CNTNAP2: variants seen among roughly 807,000 people sequenced by gnomAD.
CNTNAP2 encodes contactin associated protein 2.
CNTNAP2 carries 98 observed loss-of-function variants against 155.2 expected under a neutral mutation model. The ratio of observed to expected loss-of-function variants is 0.63; its 90% CI spans 0.54 to 0.75. CNTNAP2 has a LOEUF of 0.75. Ranked by LOEUF, CNTNAP2 falls within the 30% of genes least tolerant of loss-of-function variation. The pLI, the probability that CNTNAP2 is intolerant of heterozygous loss-of-function variation, is 0.00. For missense variants in CNTNAP2, 1,727 were observed against 1,688.1 expected (o/e 1.02, Z -0.40); for synonymous variants, 651 against 631.2 (o/e 1.03, Z -0.47).
intron 13 of CNTNAP2, among the ~76,000 whole-genome samples, chr7:147,702,692 G>A (rs1796254519): frequency 6.6e-6 from 1 of 152,018 alleles, no homozygotes; most frequent in Non-Finnish European, 1.5e-5. Flanking sequence ...GAAAAAAAGT[G>A]CTTCATCTCT....
chr7:147,885,580 G>C (rs903529752), intron 13 of CNTNAP2, among the ~76,000 whole-genome samples: 2 of 151,816 alleles, frequency 1.3e-5, no homozygotes, highest in African/African-American at 4.8e-5. Flanking sequence ...TGGCTGGTCT[G>C]TCTCTCTCTC....
intron 13 of CNTNAP2, among the ~76,000 whole-genome samples, chr7:147,866,410 A>T (rs1247591303): frequency 6.6e-6 from 1 of 152,014 alleles, no homozygotes; most frequent in Non-Finnish European, 1.5e-5. Context: ...TTTGGGGAGG[A>T]GAGTTCTGTA....
At chr7:148,273,629 G>A (rs887991816) in intron 21 of CNTNAP2, among the ~76,000 whole-genome samples, 1 of 152,234 alleles carries the variant, frequency 6.6e-6, no homozygotes, top group African/African-American at 2.4e-5. Flanking sequence ...GAGAAGCTGT[G>A]CTTAGAAAGA....
chr7:148,181,983 T>C (rs1331833406), intron 18 of CNTNAP2, among the ~76,000 whole-genome samples: 2 of 151,534 alleles, frequency 1.3e-5, no homozygotes, highest in Non-Finnish European at 2.9e-5. Context: ...GGTCTCGATC[T>C]CCTGACCTCG....
At chr7:147,757,443 G>T (rs1354994466) in intron 13 of CNTNAP2, among the ~76,000 whole-genome samples, 1 of 152,046 alleles carries the variant, frequency 6.6e-6, no homozygotes, top group African/African-American at 2.4e-5. Context: ...CTTCTCTGTA[G>T]CTCCTCCAAG....
chr7:146,344,124 A>G (rs1206039161), intron 1 of CNTNAP2, among the ~76,000 whole-genome samples: 2 of 152,192 alleles, frequency 1.3e-5, no homozygotes, highest in Non-Finnish European at 2.9e-5. Context: ...TGAAACAGAA[A>G]ACTTTTTTTG....
intron 2 of CNTNAP2, among the ~76,000 whole-genome samples, chr7:146,833,069 C>T (rs1803544926): frequency 6.6e-6 from 1 of 152,186 alleles, no homozygotes; most frequent in African/African-American, 2.4e-5. Flanking sequence ...TCCTATCAAC[C>T]AACTTTTGCA....
chr7:146,971,992 G>T (rs1797810669), intron 3 of CNTNAP2, among the ~76,000 whole-genome samples: 1 of 152,058 alleles, frequency 6.6e-6, no homozygotes, highest in Non-Finnish European at 1.5e-5. Flanking sequence ...TCCCATATAT[G>T]CTATTTTACT....
intron 21 of CNTNAP2, among the ~76,000 whole-genome samples, chr7:148,283,502 G>T (rs941078961): frequency 5.9e-5 from 9 of 152,066 alleles, no homozygotes; most frequent in Non-Finnish European, 1.2e-4. Context: ...TGCTTTTGTG[G>T]TTATTTGCAG....
At chr7:148,246,835 T>C (rs548195028) in intron 20 of CNTNAP2, among the ~76,000 whole-genome samples, 1 of 152,284 alleles carries the variant, frequency 6.6e-6, no homozygotes, top group South Asian at 2.1e-4. Flanking sequence ...AACACAAGAT[T>C]AGGCTACAGT....
intron 1 of CNTNAP2, among the ~76,000 whole-genome samples, chr7:146,173,759 G>A (rs371412526): frequency 3.3e-5 from 5 of 152,266 alleles, no homozygotes; most frequent in African/African-American, 7.2e-5. Flanking sequence ...ACAGAATGCC[G>A]TACATGCAAA....
chr7:147,559,723 A>G (rs1800022505), intron 11 of CNTNAP2, among the ~76,000 whole-genome samples: 1 of 152,218 alleles, frequency 6.6e-6, no homozygotes, highest in African/African-American at 2.4e-5. Flanking sequence ...TGAGCTATAC[A>G]TACCAATTTT....
At chr7:148,236,315 T>A (rs1421327312) in intron 20 of CNTNAP2, among the ~76,000 whole-genome samples, 9 of 152,214 alleles carry the variant, frequency 5.9e-5, no homozygotes, top group African/African-American at 1.9e-4. Flanking sequence ...ATTTAAATGT[T>A]ACCCGTGAGG....
chr7:148,398,048 G>A (rs1044035777), intron 22 of CNTNAP2, among the ~76,000 whole-genome samples: 7 of 152,190 alleles, frequency 4.6e-5, no homozygotes, highest in South Asian at 2.1e-4. Context: ...TAATGCAACC[G>A]AAAAGAGTAT....
intron 22 of CNTNAP2, among the ~76,000 whole-genome samples, chr7:148,386,515 C>CA (rs142442730): frequency 1.9e-4 from 29 of 150,834 alleles, no homozygotes; most frequent in African/African-American, 6.3e-4. Context: ...CAAAACAAAA[C>CA]AAAAAAACAA....
At chr7:147,889,640 T>C (rs955029267) in intron 13 of CNTNAP2, among the ~76,000 whole-genome samples, 1 of 152,232 alleles carries the variant, frequency 6.6e-6, no homozygotes, top group African/African-American at 2.4e-5. Context: ...TCAGTAATTA[T>C]AGGTCAGAAG....
intron 1 of CNTNAP2, among the ~76,000 whole-genome samples, chr7:146,692,019 T>C (rs550136480): frequency 1.3e-5 from 2 of 152,224 alleles, no homozygotes; most frequent in South Asian, 2.1e-4. Context: ...CTAGAACTGC[T>C]AGCTTTAAAA....
chr7:147,443,517 G>C (rs114456071), intron 10 of CNTNAP2, among the ~76,000 whole-genome samples: 1 of 152,086 alleles, frequency 6.6e-6, no homozygotes, highest in Non-Finnish European at 1.5e-5. Context: ...CCAGCACTGC[G>C]AGTGTTCATT....
intron 13 of CNTNAP2, among the ~76,000 whole-genome samples, chr7:147,864,186 T>G (rs529670836): frequency 6.6e-6 from 1 of 152,308 alleles, no homozygotes; most frequent in East Asian, 1.9e-4. Context: ...AAATAGGGAA[T>G]CCTTTCCCCA....
Sources: allele counts gnomAD v4.1 joint callset (sites outside exome capture counted in the v4.1 genomes callset), GRCh38; gene constraint gnomAD v4.1.1; transcripts MANE v1.5; gene names NCBI Gene and HGNC (gene_info 2026-07-23, HGNC 2026-07-21).